CDH13: variants seen among roughly 807,000 people sequenced by gnomAD.
The protein encoded by CDH13 is cadherin-13.
Under a neutral mutation model 63.8 loss-of-function variants are expected in CDH13, and 24 were observed. The observed-to-expected ratio is 0.38, with a 90% CI of 0.27 to 0.53. CDH13 has a LOEUF of 0.53. Ranked by LOEUF, CDH13 falls within the 20% of genes least tolerant of loss-of-function variation. The pLI, the probability that CDH13 is intolerant of heterozygous loss-of-function variation, is 0.85. For missense variants in CDH13, 1,049 were observed against 903.1 expected (o/e 1.16, Z -2.07); for synonymous variants, 503 against 355.3 (o/e 1.42, Z -4.67).
chr16:83,778,412 C>T (rs1328279835), intron 11 of CDH13, among the ~76,000 whole-genome samples: 5 of 151,966 alleles, frequency 3.3e-5, no homozygotes, highest in Admixed American at 2.0e-4. Flanking sequence ...CACCTGTAAT[C>T]CCAGCTACTT....
chr16:83,208,102 G>A (rs2039234892), intron 4 of CDH13, among the ~76,000 whole-genome samples: 1 of 152,120 alleles, frequency 6.6e-6, no homozygotes, highest in South Asian at 2.1e-4. Flanking sequence ...AACACAGACA[G>A]CCCTAGGTGG....
intron 2 of CDH13, among the ~76,000 whole-genome samples, chr16:82,900,569 A>G (rs979516839): frequency 3.9e-5 from 6 of 152,252 alleles, no homozygotes; most frequent in Non-Finnish European, 7.3e-5. Flanking sequence ...TCCCCGAATA[A>G]ATAAGCCTTA....
chr16:83,225,799 C>A (rs1037789797), intron 5 of CDH13, among the ~76,000 whole-genome samples: 5 of 152,164 alleles, frequency 3.3e-5, no homozygotes, highest in Non-Finnish European at 7.3e-5. Context: ...ATTGTGAAGC[C>A]AAGTTTGAGA....
chr16:83,451,654 A>G (rs2072890145), intron 6 of CDH13, among the ~76,000 whole-genome samples: 1 of 152,160 alleles, frequency 6.6e-6, no homozygotes, highest in Non-Finnish European at 1.5e-5. Flanking sequence ...AATAGCTGGG[A>G]CCACTGGTAT....
chr16:83,176,028 TC>T (rs1474681267), intron 4 of CDH13, among the ~76,000 whole-genome samples: 1 of 150,510 alleles, frequency 6.6e-6, no homozygotes, highest in Non-Finnish European at 1.5e-5. Flanking sequence ...TGTTTTTTTT[TC>T]AGTAGAGACG....
chr16:82,731,206 G>C (rs534413490), intron 1 of CDH13, among the ~76,000 whole-genome samples: 1 of 152,306 alleles, frequency 6.6e-6, no homozygotes, highest in East Asian at 1.9e-4. Context: ...TAAAAAGCTA[G>C]AGGAGTATCC....
intron 1 of CDH13, among the ~76,000 whole-genome samples, chr16:82,742,142 T>G (rs949997209): frequency 5.3e-5 from 8 of 152,206 alleles, no homozygotes; most frequent in Non-Finnish European, 8.8e-5. Context: ...GTTTACCATG[T>G]ATGTTCCAAC....
chr16:83,173,698 G>A lies in CDH13; in HGVS notation c.484-43647G>A, dbSNP rs566799317. On this transcript the variant is annotated intron_variant, in intron 4 of 13. Coordinates refer to ENST00000567109, the MANE Select transcript of CDH13 (RefSeq NM_001257.5). ...TGGCAAACTATATGAAAGATGCTTC[G>A]AAAACTATAGAGAACACAGCCAAAG... 8.2e-4 allele frequency among the ~76,000 whole-genome samples: 124 copies of A among 152,110 alleles called. 1 individual carries two copies. Among genetic ancestry groups the A allele is most frequent in the Non-Finnish European group, 1.3e-3 (85 of 67,982 alleles).
intron 5 of CDH13, among the ~76,000 whole-genome samples, chr16:83,266,455 G>C (rs1391772342): frequency 6.6e-6 from 1 of 152,176 alleles, no homozygotes; most frequent in African/African-American, 2.4e-5. Flanking sequence ...CTTAATGGCA[G>C]TTACTTATTT....
intron 1 of CDH13, among the ~76,000 whole-genome samples, chr16:82,655,077 CCCTGCCTTTCCCATT>C (rs2150914547): frequency 6.6e-6 from 1 of 152,330 alleles, no homozygotes; most frequent in Admixed American, 6.5e-5. Flanking sequence ...AAGATAATTT[CCCTGCCTTTCCCATT>C]GTATCAGGGG....
chr16:83,380,767 A>T (rs187979079), intron 6 of CDH13, among the ~76,000 whole-genome samples: 2 of 151,564 alleles, frequency 1.3e-5, no homozygotes, highest in Non-Finnish European at 2.9e-5. Context: ...AGAATTCATC[A>T]CATGGCCATG....
At chr16:83,013,328 C>G (rs1177589631) in intron 2 of CDH13, among the ~76,000 whole-genome samples, 1 of 152,142 alleles carries the variant, frequency 6.6e-6, no homozygotes, top group African/African-American at 2.4e-5. Flanking sequence ...GGTTTGGAGG[C>G]CTGACTTCAC....
At chr16:82,955,750 C>A (rs1432485531) in intron 2 of CDH13, among the ~76,000 whole-genome samples, 1 of 152,184 alleles carries the variant, frequency 6.6e-6, no homozygotes, top group Non-Finnish European at 1.5e-5. Context: ...GGATTCTCTT[C>A]ATTGCAAGCA....
intron 5 of CDH13, among the ~76,000 whole-genome samples, chr16:83,219,907 T>C (rs945004758): frequency 6.6e-6 from 1 of 152,234 alleles, no homozygotes; most frequent in Non-Finnish European, 1.5e-5. Flanking sequence ...TCCTCTCTTC[T>C]GTGTGTAGGT....
chr16:83,299,916 C>T (rs192144771), intron 5 of CDH13, among the ~76,000 whole-genome samples: 1 of 152,300 alleles, frequency 6.6e-6, no homozygotes, highest in East Asian at 1.9e-4. Context: ...CTGACCAGGG[C>T]TACAATCATC....
intron 6 of CDH13, among the ~76,000 whole-genome samples, chr16:83,368,935 T>C (rs866808732): frequency 0.022 from 2,432 of 110,698 alleles, 251 homozygotes; most frequent in African/African-American, 0.067. Context: ...TATATATATA[T>C]ATACTAGGTT....
chr16:82,927,409 T>A (rs547496151), intron 2 of CDH13, among the ~76,000 whole-genome samples: 1 of 152,284 alleles, frequency 6.6e-6, no homozygotes, highest in South Asian at 2.1e-4. Flanking sequence ...CTTGAGCTAT[T>A]TTCAGCCCAT....
intron 1 of CDH13, among the ~76,000 whole-genome samples, chr16:82,777,953 G>A (rs578214819): frequency 6.6e-6 from 1 of 152,300 alleles, no homozygotes; most frequent in African/African-American, 2.4e-5. Context: ...GAAAGCCAGA[G>A]GGCCAAGAAA....
At chr16:83,548,402 T>C (rs984912805) in intron 7 of CDH13, among the ~76,000 whole-genome samples, 5 of 152,158 alleles carry the variant, frequency 3.3e-5, no homozygotes, top group Admixed American at 1.3e-4. Context: ...CTAAATATCC[T>C]ACAATGCAAA....
Sources: gnomAD v4.1 joint callset for allele counts (sites outside exome capture counted in the v4.1 genomes callset) on GRCh38, gnomAD v4.1.1 for gene constraint, MANE v1.5 for transcripts, NCBI Gene and HGNC (gene_info 2026-07-23, HGNC 2026-07-21) for gene names.